PABPC4L: variants seen among roughly 807,000 people sequenced by gnomAD.
PABPC4L encodes the protein polyadenylate-binding protein 4-like.
For synonymous variants in PABPC4L, 169 were observed against 164.1 expected, an observed-to-expected ratio of 1.03 and a Z score of -0.23; for missense variants, 452 against 451.4, an observed-to-expected ratio of 1.00 and a Z score of -0.01.
the PABPC4L span, among the ~76,000 whole-genome samples, chr4:134,132,272 C>G: frequency 1.4e-4 from 22 of 152,050 alleles, no homozygotes; most frequent in African/African-American, 5.3e-4. Flanking sequence ...ACAGAGTAAA[C>G]AGACAACCCA....
the PABPC4L span, among the ~76,000 whole-genome samples, chr4:134,014,946 C>T: frequency 2.2e-4 from 34 of 151,508 alleles, no homozygotes; most frequent in Admixed American, 2.0e-3. Flanking sequence ...GGCTGAGACA[C>T]TTTATCTGCT....
At chr4:133,961,750 C>T in the PABPC4L span, among the ~76,000 whole-genome samples, 16 of 152,116 alleles carry the variant, frequency 1.1e-4, no homozygotes, top group African/African-American at 2.7e-4. Context: ...CCAGACCCGC[C>T]GTTGACTTCC....
the PABPC4L span, among the ~76,000 whole-genome samples, chr4:134,096,487 A>C: frequency 0.19 from 28,411 of 151,864 alleles, 3,266 homozygotes; most frequent in Admixed American, 0.25. Context: ...GGAAGCCTAC[A>C]AGTTTTTTGT....
At chr4:134,016,193 T>C in the PABPC4L span, among the ~76,000 whole-genome samples, 1 of 152,156 alleles carries the variant, frequency 6.6e-6, no homozygotes, top group Admixed American at 6.5e-5. Context: ...TTGAGGCTAC[T>C]GCTCTGTCCC....
At chr4:133,963,569 C>T in the PABPC4L span, among the ~76,000 whole-genome samples, 1 of 151,970 alleles carries the variant, frequency 6.6e-6, no homozygotes, top group African/African-American at 2.4e-5. Flanking sequence ...GGAACTTTCT[C>T]CAAGATAGAC....
At chr4:134,110,192 A>T in the PABPC4L span, among the ~76,000 whole-genome samples, 1 of 152,050 alleles carries the variant, frequency 6.6e-6, no homozygotes, top group African/African-American at 2.4e-5. Flanking sequence ...AAGCATATAC[A>T]TAATTAAGTT....
At chr4:134,031,944 G>A in the PABPC4L span, among the ~76,000 whole-genome samples, 1 of 151,716 alleles carries the variant, frequency 6.6e-6, no homozygotes, top group African/African-American at 2.4e-5. Flanking sequence ...TATATTAATA[G>A]ATCAATTTTT....
chr4:134,138,800 G>C, the PABPC4L span, among the ~76,000 whole-genome samples: 1 of 151,738 alleles, frequency 6.6e-6, no homozygotes, highest in Non-Finnish European at 1.5e-5. Flanking sequence ...TTGAAGAGCT[G>C]TAACTCTTTT....
the PABPC4L span, among the ~76,000 whole-genome samples, chr4:133,970,508 G>T: frequency 6.6e-6 from 1 of 152,104 alleles, no homozygotes; most frequent in African/African-American, 2.4e-5. Context: ...TATCTTAGAG[G>T]CACTTTTAAT....
the PABPC4L span, among the ~76,000 whole-genome samples, chr4:134,177,546 C>T: frequency 6.6e-6 from 1 of 152,140 alleles, no homozygotes; most frequent in Non-Finnish European, 1.5e-5. Flanking sequence ...ACCCAGACAA[C>T]AGAGTTGGTG....
chr4:134,034,670 G>A, the PABPC4L span, among the ~76,000 whole-genome samples: 246 of 152,030 alleles, frequency 1.6e-3, no homozygotes, highest in African/African-American at 5.4e-3. Context: ...TGCAGATGTG[G>A]TAGAAACAGT....
chr4:134,171,640 A>C, the PABPC4L span, among the ~76,000 whole-genome samples: 1 of 152,164 alleles, frequency 6.6e-6, no homozygotes, highest in Non-Finnish European at 1.5e-5. Context: ...CATGATTCCT[A>C]TTCAATACAG....
the PABPC4L span, among the ~76,000 whole-genome samples, chr4:134,017,444 C>T: frequency 6.6e-6 from 1 of 152,126 alleles, no homozygotes; most frequent in African/African-American, 2.4e-5. Context: ...TACTCCTATT[C>T]ACCATTCTCA....
chr4:134,077,585 C>T, the PABPC4L span, among the ~76,000 whole-genome samples: 8 of 152,156 alleles, frequency 5.3e-5, no homozygotes, highest in East Asian at 1.9e-4. Flanking sequence ...AAACAGAAAT[C>T]GTAGTAGTGT....
At chr4:133,987,777 C>T in the PABPC4L span, among the ~76,000 whole-genome samples, 1 of 152,082 alleles carries the variant, frequency 6.6e-6, no homozygotes, top group East Asian at 1.9e-4. Context: ...AAAGGACACA[C>T]TATTATTTTT....
At chr4:134,085,841 T>C in the PABPC4L span, among the ~76,000 whole-genome samples, 4 of 152,198 alleles carry the variant, frequency 2.6e-5, no homozygotes, top group African/African-American at 9.6e-5. Context: ...TTTGGGACTA[T>C]TGTGAATAAT....
At chr4:134,008,008 A>G in the PABPC4L span, among the ~76,000 whole-genome samples, 1 of 151,782 alleles carries the variant, frequency 6.6e-6, no homozygotes, top group Non-Finnish European at 1.5e-5. Flanking sequence ...CTGTTATTCA[A>G]TTATAATCCT....
At chr4:134,010,194 A>G in the PABPC4L span, among the ~76,000 whole-genome samples, 6 of 152,008 alleles carry the variant, frequency 3.9e-5, no homozygotes, top group Admixed American at 2.6e-4. Flanking sequence ...TAATAATTAT[A>G]TTTTCTACTT....
the PABPC4L span, among the ~76,000 whole-genome samples, chr4:134,136,690 T>C: frequency 7.9e-5 from 12 of 152,190 alleles, no homozygotes; most frequent in African/African-American, 2.6e-4. Context: ...CCTTTATTTG[T>C]TTAAATGTTT....
Sources: allele counts gnomAD v4.1 joint callset (sites outside exome capture counted in the v4.1 genomes callset), GRCh38; gene constraint gnomAD v4.1.1; transcripts MANE v1.5; gene names NCBI Gene and HGNC (gene_info 2026-07-23, HGNC 2026-07-21).